CCDC73: variants seen among roughly 807,000 people sequenced by gnomAD.
CCDC73 encodes the protein coiled-coil domain-containing protein 73.
Under a neutral mutation model 116.5 loss-of-function variants are expected in CCDC73, and 95 were observed. The ratio of observed to expected loss-of-function variants is 0.82; its 90% CI spans 0.69 to 0.97. CCDC73 has a LOEUF of 0.97. Ranked by LOEUF, CCDC73 falls within the 50% of genes least tolerant of loss-of-function variation. The pLI, the probability that CCDC73 is intolerant of heterozygous loss-of-function variation, is 0.00. For synonymous variants in CCDC73, 398 were observed against 401.3 expected (o/e 0.99, Z 0.10); for missense variants, 1,066 against 1,206.8 (o/e 0.88, Z 1.73).
chr11:32,727,183 C>T (rs1433870132), intron 2 of CCDC73, among the ~76,000 whole-genome samples: 1 of 152,132 alleles, frequency 6.6e-6, no homozygotes, highest in Non-Finnish European at 1.5e-5. Context: ...ATAAAGTTCC[C>T]TTTTCATCAC....
At chr11:32,830,177 C>G in the CCDC73 span, 1 of 1,039,620 alleles carries the variant, frequency 9.6e-7, no homozygotes, top group African/African-American at 1.7e-5. Flanking sequence ...GACACAGGTA[C>G]GAGGCCTGGC....
intron 9 of CCDC73, among the ~76,000 whole-genome samples, chr11:32,663,698 C>T (rs1052787915): frequency 2.0e-5 from 3 of 152,148 alleles, no homozygotes; most frequent in African/African-American, 4.8e-5. Context: ...TTGCCCTGGT[C>T]AGAACTTCCA....
Position 32,613,612 on chromosome 11 carries a change from C to G in CCDC73, c.2706G>C (p.Met902Ile), listed in dbSNP as rs773641187. 2 of 1,613,974 alleles carry G rather than the reference C, an allele frequency of 1.2e-6. No homozygotes were observed. Among genetic ancestry groups the G allele is most frequent in the Non-Finnish European group, 1.7e-6 (2 of 1,180,004 alleles). ...DKKTEKTPVY[M>I]NFSDPGPWSK... is the part of the protein sequence containing the mutation. ...ACCAAGGACCGGGGTCTGAAAAATT[C>G]ATGTATACTGGAGTTTTCTCAGTTT... The change falls in exon 16 of 18, where the codon ATG becomes ATC. Residue 902 changes from methionine (M) to isoleucine (I), a missense_variant. Met to Ile is a conservative substitution (Grantham distance 10). Coordinates refer to ENST00000335185, the MANE Select transcript of CCDC73 (RefSeq NM_001008391.4).
At position 32,675,996 on chromosome 11, in the gene CCDC73, A is replaced by G; in HGVS notation, c.455T>C (p.Leu152Pro). The G allele has an allele frequency of 6.2e-7, 1 of 1,604,532 alleles. No individual in the cohort carries two copies. The highest frequency in any genetic ancestry group is 1.1e-5 in the South Asian group (1 of 88,842). ...TTGCTTATGATAGTCTTCTTTAGCC[A>G]GAAGATGTAACTGGACCTTTTGTTC... is the stretch of plus-strand genomic sequence containing the variant. ...EMEQKVQLHL[L>P]AKEDYHKQLS... The change falls in exon 8 of 18, where the codon CTG (leucine) becomes CCG (proline). Residue 152 changes from leucine to proline, a missense_variant. Physicochemically the swap from Leu to Pro is moderately conservative, Grantham distance 98. Transcript: ENST00000335185.
the CCDC73 span, among the ~76,000 whole-genome samples, chr11:32,800,495 C>T: frequency 6.6e-6 from 1 of 151,896 alleles, no homozygotes; most frequent in Admixed American, 6.6e-5. Flanking sequence ...TTGCTTTTTT[C>T]CTAATAGAAT....
At chr11:32,698,555 T>C (rs1849779217) in intron 6 of CCDC73, among the ~76,000 whole-genome samples, 1 of 152,232 alleles carries the variant, frequency 6.6e-6, no homozygotes, top group East Asian at 1.9e-4. Context: ...ACCTTCAGGA[T>C]CCTTCTAATG....
In CCDC73 at chr11:32,676,109, C is replaced by A. The variant is rs115532758; in HGVS notation, c.430-88G>T. ...AATATGTAAAATATATTGTGGTAAA[C>A]CACTGTTGTTAGTAATATAACATAA... On this transcript the variant is annotated intron_variant, in intron 7 of 17. Coordinates refer to ENST00000335185, the MANE Select transcript of CCDC73 (RefSeq NM_001008391.4). 3.1e-3 allele frequency: 3,319 copies of A among 1,083,440 alleles called. 88 individuals carry two copies. The African/African-American group carries it at 0.048, about 16-fold the overall frequency. 67.1% of individuals were successfully genotyped at this position (1,083,440 alleles called of 1,614,324 possible).
At chr11:32,768,513 A>C (rs185658174) in intron 1 of CCDC73, among the ~76,000 whole-genome samples, 5 of 152,140 alleles carry the variant, frequency 3.3e-5, no homozygotes, top group Admixed American at 2.6e-4. Flanking sequence ...GCAAAGAGGA[A>C]AAAAAGTCTT....
chr11:32,758,721 G>A, intron 2 of CCDC73: 12 of 231,768 alleles, frequency 5.2e-5, no homozygotes, highest in South Asian at 1.2e-4. Context: ...TTTTTAAGTT[G>A]GAAATATAAA....
intron 2 of CCDC73, among the ~76,000 whole-genome samples, chr11:32,738,163 C>T (rs992591384): frequency 5.9e-5 from 9 of 152,166 alleles, no homozygotes; most frequent in Non-Finnish European, 1.3e-4. Flanking sequence ...ACAATAAACA[C>T]GGGAGTACAG....
intron 17 of CCDC73, among the ~76,000 whole-genome samples, chr11:32,609,229 C>T (rs1855390926): frequency 6.6e-6 from 1 of 152,154 alleles, no homozygotes; most frequent in Non-Finnish European, 1.5e-5. Flanking sequence ...TGCTGTTTCC[C>T]TTATAAAACT....
chr11:32,770,872 G>A (rs1293147802), intron 1 of CCDC73, among the ~76,000 whole-genome samples: 1 of 152,206 alleles, frequency 6.6e-6, no homozygotes, highest in Non-Finnish European at 1.5e-5. Context: ...GATGTGCTGG[G>A]TTGGAAAATA....
intron 9 of CCDC73, among the ~76,000 whole-genome samples, chr11:32,660,780 T>C (rs1855916096): frequency 6.6e-6 from 1 of 152,012 alleles, no homozygotes; most frequent in African/African-American, 2.4e-5. Context: ...AGTTGTGATA[T>C]CGCACCACTG....
intron 12 of CCDC73, among the ~76,000 whole-genome samples, chr11:32,646,498 G>GC (rs1354865232): frequency 6.6e-6 from 1 of 152,154 alleles, no homozygotes; most frequent in African/African-American, 2.4e-5. Context: ...ATACAACTCT[G>GC]CTTCAGAAAT....
At chr11:32,704,713 C>T (rs1321480503) in intron 3 of CCDC73, among the ~76,000 whole-genome samples, 1 of 152,206 alleles carries the variant, frequency 6.6e-6, no homozygotes, top group Non-Finnish European at 1.5e-5. Context: ...GGAGTGAGAA[C>T]TTCCTTGATC....
intron 1 of CCDC73, among the ~76,000 whole-genome samples, chr11:32,789,325 CT>C (rs1209544662): frequency 6.6e-6 from 1 of 152,132 alleles, no homozygotes; most frequent in Non-Finnish European, 1.5e-5. Flanking sequence ...TAAACCTGAC[CT>C]TGTTAAATAA....
At chr11:32,680,833 A>G (rs1856137078) in intron 7 of CCDC73, 1 of 152,014 alleles carries the variant, frequency 6.6e-6, no homozygotes. Context: ...AATTTCTTCA[A>G]TATGAACCCA....
chr11:32,657,243 A>C (rs1855882352), intron 9 of CCDC73, among the ~76,000 whole-genome samples: 1 of 152,156 alleles, frequency 6.6e-6, no homozygotes. Flanking sequence ...GTATATCCTA[A>C]CTCCAAATTC....
rs1718870495 is a variant in CCDC73 at position 32,613,796 on chromosome 11, T to C, written c.2522A>G (p.Asn841Ser). The change falls in exon 16 of 18, where the codon AAT (asparagine) becomes AGT (serine). Residue 841 changes from asparagine to serine, a missense_variant. Asn to Ser is a conservative substitution (Grantham distance 46). Transcript: ENST00000335185. ...TAATGATTCTGTTTTCTCTGTATTATTTAACAATGTATGCTGTCTTTCATT... is the reference window on the plus strand; with the variant it reads ...TAATGATTCTGTTTTCTCTGTATTACTTAACAATGTATGCTGTCTTTCATT... ...SINERQHTLL[N>S]NTEKTESLND... 2.5e-6 allele frequency: 4 copies of C among 1,613,836 alleles called. No individual in the cohort carries two copies. Among genetic ancestry groups the C allele is most frequent in the Non-Finnish European group, 2.5e-6 (3 of 1,179,938 alleles).
Sources: gnomAD v4.1 joint callset for allele counts (sites outside exome capture counted in the v4.1 genomes callset) on GRCh38, gnomAD v4.1.1 for gene constraint, MANE v1.5 for transcripts, NCBI Gene and HGNC (gene_info 2026-07-23, HGNC 2026-07-21) for gene names.